Variants in EXT1 observed in about 807,000 individuals in gnomAD.
EXT1 encodes exostosin-1.
In EXT1, 20 loss-of-function variants were observed where a neutral mutation model predicts 82.5. The observed-to-expected ratio is 0.24, with a 90% CI of 0.17 to 0.35. The LOEUF is 0.35. EXT1 is among the 10% of genes least tolerant of loss of function. The pLI is 1.00. For missense variants in EXT1, 757 were observed against 936.5 expected (o/e 0.81, Z 2.50); for synonymous variants, 348 against 350.8 (o/e 0.99, Z 0.09).
intron 7 of EXT1, among the ~76,000 whole-genome samples, 163 bp from the exon 8 acceptor site, chr8:117,813,124 T>C (rs1467327140): frequency 2.0e-5 from 3 of 152,234 alleles, no homozygotes; most frequent in East Asian, 1.9e-4. Context: ...TCAATGCAGA[T>C]GTATTTGTTC....
intron 1 of EXT1, among the ~76,000 whole-genome samples, chr8:117,999,099 G>C (rs185649541): frequency 9.1e-4 from 138 of 152,204 alleles, no homozygotes; most frequent in Admixed American, 3.5e-3. Context: ...TTATAAAGTT[G>C]GTTGTTTTAA....
At chr8:117,933,541 A>C (rs1490761559) in intron 1 of EXT1, among the ~76,000 whole-genome samples, 1 of 152,116 alleles carries the variant, frequency 6.6e-6, no homozygotes, top group African/African-American at 2.4e-5. Flanking sequence ...CAGATGTTTT[A>C]ATCTATGTCT....
chr8:117,907,693 G>T (rs1001773239), intron 1 of EXT1, among the ~76,000 whole-genome samples: 1 of 152,078 alleles, frequency 6.6e-6, no homozygotes, highest in African/African-American at 2.4e-5. Context: ...ATTATGCTGT[G>T]AGATTTACTC....
At chr8:117,989,233 A>C (rs1815384689) in intron 1 of EXT1, among the ~76,000 whole-genome samples, 1 of 151,816 alleles carries the variant, frequency 6.6e-6, no homozygotes, top group African/African-American at 2.4e-5. Context: ...ATACAAAAGG[A>C]ATTCCTCCCC....
At chr8:117,996,151 C>T (rs1470831537) in intron 1 of EXT1, among the ~76,000 whole-genome samples, 3 of 152,112 alleles carry the variant, frequency 2.0e-5, no homozygotes, top group South Asian at 2.1e-4. Context: ...TTAAGACGCT[C>T]GCCCTTGGAA....
intron 1 of EXT1, among the ~76,000 whole-genome samples, chr8:118,067,586 A>C (rs1369639564): frequency 6.6e-6 from 1 of 152,248 alleles, no homozygotes; most frequent in Non-Finnish European, 1.5e-5. Context: ...CACCAACGTG[A>C]AGCGGTTTCA....
At chr8:117,815,641 A>G (rs1811796876) in intron 7 of EXT1, among the ~76,000 whole-genome samples, 2 of 152,158 alleles carry the variant, frequency 1.3e-5, no homozygotes, top group African/African-American at 4.8e-5. Flanking sequence ...TAAAACGAAC[A>G]AACATGTTGG....
chr8:117,845,556 TAAA>T (rs11284096), intron 1 of EXT1, among the ~76,000 whole-genome samples: 4 of 141,414 alleles, frequency 2.8e-5, no homozygotes, highest in East Asian at 2.6e-4. Context: ...TAAAAGTAAG[TAAA>T]AAAAAAAAAT....
intron 1 of EXT1, among the ~76,000 whole-genome samples, chr8:118,046,094 C>A (rs1367125983): frequency 2.0e-5 from 3 of 151,082 alleles, no homozygotes; most frequent in Admixed American, 1.3e-4. Flanking sequence ...CCGTGCCCAG[C>A]CTAGATGTCT....
At chr8:117,817,508 A>T (rs1299331440) in intron 7 of EXT1, among the ~76,000 whole-genome samples, 3 of 152,074 alleles carry the variant, frequency 2.0e-5, no homozygotes, top group Non-Finnish European at 4.4e-5. Flanking sequence ...AAGATCTATA[A>T]GTAACAAGCA....
At chr8:117,816,121 CATTT>C (rs1186549683) in intron 7 of EXT1, among the ~76,000 whole-genome samples, 2 of 152,028 alleles carry the variant, frequency 1.3e-5, no homozygotes, top group African/African-American at 2.4e-5. Flanking sequence ...CTTCTCAGTA[CATTT>C]ATTTATGTAT....
chr8:117,926,756 C>T (rs1045065028), intron 1 of EXT1, among the ~76,000 whole-genome samples: 8 of 152,116 alleles, frequency 5.3e-5, no homozygotes, highest in Non-Finnish European at 1.0e-4. Context: ...CCAACAAAAA[C>T]GCTTATATAA....
chr8:117,991,111 C>CTT (rs771949980), intron 1 of EXT1, among the ~76,000 whole-genome samples: 5 of 143,834 alleles, frequency 3.5e-5, no homozygotes, highest in African/African-American at 1.3e-4. Flanking sequence ...ACTTCGATGT[C>CTT]TTTTTTTTTT....
chr8:117,976,623 T>G (rs368949877), intron 1 of EXT1, among the ~76,000 whole-genome samples: 1 of 152,242 alleles, frequency 6.6e-6, no homozygotes. Context: ...GCTAGAAATA[T>G]TCTATATTTT....
chr8:118,053,417 A>T (rs1163951384), intron 1 of EXT1, among the ~76,000 whole-genome samples: 1 of 152,192 alleles, frequency 6.6e-6, no homozygotes, highest in Non-Finnish European at 1.5e-5. Context: ...TCACTTTTAC[A>T]TTATAATCTG....
chr8:117,874,471 G>T (rs1318447131), intron 1 of EXT1, among the ~76,000 whole-genome samples: 1 of 150,784 alleles, frequency 6.6e-6, no homozygotes, highest in Non-Finnish European at 1.5e-5. Context: ...AGCTACTTGG[G>T]AGGCTGAGGC....
At chr8:118,082,574 A>C (rs1207763910) in intron 1 of EXT1, among the ~76,000 whole-genome samples, 1 of 152,184 alleles carries the variant, frequency 6.6e-6, no homozygotes, top group South Asian at 2.1e-4. Context: ...GAGTAATCCA[A>C]AACAAGGATA....
At chr8:117,942,816 T>C (rs1814314816) in intron 1 of EXT1, among the ~76,000 whole-genome samples, 1 of 152,214 alleles carries the variant, frequency 6.6e-6, no homozygotes, top group Non-Finnish European at 1.5e-5. Context: ...ACACTTGATA[T>C]ATACTAACGC....
intron 1 of EXT1, among the ~76,000 whole-genome samples, chr8:118,041,354 T>C (rs1270160547): frequency 6.6e-6 from 1 of 152,192 alleles, no homozygotes; most frequent in Non-Finnish European, 1.5e-5. Flanking sequence ...CTGCATGTGA[T>C]TAATCCATTT....
Sources: allele counts gnomAD v4.1 joint callset (sites outside exome capture counted in the v4.1 genomes callset), GRCh38; gene constraint gnomAD v4.1.1; transcripts MANE v1.5; gene names NCBI Gene and HGNC (gene_info 2026-07-23, HGNC 2026-07-21).